Variants in RERE observed in about 807,000 individuals in gnomAD.
RERE encodes the protein arginine-glutamic acid dipeptide repeats protein.
RERE carries 40 observed loss-of-function variants against 146.1 expected under a neutral mutation model. That is an observed-to-expected ratio of 0.27 (90% CI 0.21 to 0.36). RERE has a LOEUF of 0.36. Among genes scored for constraint, RERE ranks in the 10% least tolerant of loss-of-function variants. The pLI, the probability that RERE is intolerant of heterozygous loss-of-function variation, is 1.00. For missense variants in RERE, 1,933 were observed against 2,138.7 expected (o/e 0.90, Z 1.90); for synonymous variants, 1,003 against 866.0 (o/e 1.16, Z -2.78).
intron 10 of RERE, among the ~76,000 whole-genome samples, chr1:8,467,309 C>T (rs1644612763): frequency 6.6e-6 from 1 of 152,226 alleles, no homozygotes; most frequent in Non-Finnish European, 1.5e-5. Flanking sequence ...GTCCTTATTT[C>T]CAGGAAACTT....
At chr1:8,684,466 G>C (rs1248110660) in intron 1 of RERE, among the ~76,000 whole-genome samples, 3 of 151,750 alleles carry the variant, frequency 2.0e-5, no homozygotes, top group Non-Finnish European at 4.4e-5. Context: ...GCTGAAACAC[G>C]GAAGCTTATA....
intron 11 of RERE, among the ~76,000 whole-genome samples, chr1:8,448,706 G>A (rs1484296651): frequency 6.6e-6 from 1 of 150,800 alleles, no homozygotes; most frequent in Non-Finnish European, 1.5e-5. Flanking sequence ...GCGCACATCT[G>A]TAATCCCAGC....
At chr1:8,473,589 G>A (rs1389559421) in intron 10 of RERE, among the ~76,000 whole-genome samples, 1 of 152,168 alleles carries the variant, frequency 6.6e-6, no homozygotes, top group Non-Finnish European at 1.5e-5. Context: ...TGCCTAAAAA[G>A]CTCTCAGTAA....
chr1:8,605,399 T>C (rs2124159031), intron 4 of RERE, among the ~76,000 whole-genome samples: 1 of 152,254 alleles, frequency 6.6e-6, no homozygotes, highest in South Asian at 2.1e-4. Flanking sequence ...CCCAAAGTGC[T>C]GGGATTACAG....
At chr1:8,545,676 TA>T (rs1275910834) in intron 6 of RERE, among the ~76,000 whole-genome samples, 3 of 147,294 alleles carry the variant, frequency 2.0e-5, no homozygotes, top group African/African-American at 7.4e-5. Context: ...AAATTATTAA[TA>T]AAAAATTCTT....
At chr1:8,731,794 TTGTTTG>T (rs1321018709) in intron 1 of RERE, among the ~76,000 whole-genome samples, 1 of 151,194 alleles carries the variant, frequency 6.6e-6, no homozygotes, top group Non-Finnish European at 1.5e-5. Flanking sequence ...GTTTGTTTGT[TTGTTTG>T]TTTGTTTTGT....
intron 1 of RERE, among the ~76,000 whole-genome samples, chr1:8,713,822 G>T (rs1639713605): frequency 6.6e-6 from 1 of 152,018 alleles, no homozygotes; most frequent in African/African-American, 2.4e-5. Context: ...AACATTAAAG[G>T]TATTTTATTT....
chr1:8,583,120 T>C (rs1482848703), intron 4 of RERE, among the ~76,000 whole-genome samples: 1 of 152,202 alleles, frequency 6.6e-6, no homozygotes, highest in Non-Finnish European at 1.5e-5. Flanking sequence ...AACTCAAGTG[T>C]CTGCGGTCCT....
chr1:8,736,155 T>C (rs1023839183), intron 1 of RERE, among the ~76,000 whole-genome samples: 1 of 151,774 alleles, frequency 6.6e-6, no homozygotes, highest in Non-Finnish European at 1.5e-5. Flanking sequence ...CTCACTATCA[T>C]AATTCCTGCA....
intron 1 of RERE, among the ~76,000 whole-genome samples, chr1:8,720,426 G>GT (rs1557502115): frequency 6.6e-6 from 1 of 152,128 alleles, no homozygotes; most frequent in African/African-American, 2.4e-5. Flanking sequence ...TTCAAAGGCA[G>GT]TAAGTGCTAA....
At chr1:8,407,634 G>A (rs368809207) in intron 12 of RERE, among the ~76,000 whole-genome samples, 3 of 152,056 alleles carry the variant, frequency 2.0e-5, no homozygotes, top group East Asian at 1.9e-4. Flanking sequence ...TAGTATCACC[G>A]TGCCTCAGTT....
At position 8,361,775 on chromosome 1, in the gene RERE, C is replaced by T. The variant is rs1485692968; in HGVS notation, c.2004G>A (p.Lys668=). 1.2e-6 allele frequency: 2 copies of T among 1,613,092 alleles called. No individual in the cohort carries two copies. The highest frequency in any genetic ancestry group is 1.7e-6 in the Non-Finnish European group (2 of 1,179,292). The change falls in exon 17 of 23, where the codon AAG becomes AAA. Residue 668 remains lysine, a synonymous_variant. Transcript: ENST00000400908. ...TEEADRTSSK[K]TKTQEISRPN... ...CAGCAAACCTCACCTGCGTTTTTGT[C>T]TTCTTGGAGCTGGTCCTGTCAGCCT...
chr1:8,676,793 G>T (rs985559629), intron 1 of RERE, among the ~76,000 whole-genome samples: 1 of 152,306 alleles, frequency 6.6e-6, no homozygotes, highest in South Asian at 2.1e-4. Flanking sequence ...GGAGGAAAAC[G>T]TCTGAGGCAG....
rs147258221 is a variant in RERE at position 8,689,271 on chromosome 1, T to C, written c.-144-32830A>G. ...GCCTTTGGTTTGGTTGTTTTTCTTC[T>C]TTAGTTGACTAAAGTTTATAGTTTC... On this transcript the variant is annotated intron_variant, in intron 1 of 22. Transcript: ENST00000400908. Among the ~76,000 whole-genome samples, 4 of 152,338 alleles carry C rather than the reference T, an allele frequency of 2.6e-5. No homozygotes were observed. The East Asian group carries it at 5.8e-4, about 22-fold the overall frequency.
intron 1 of RERE, among the ~76,000 whole-genome samples, chr1:8,747,291 G>T (rs548005688): frequency 6.6e-6 from 1 of 151,956 alleles, no homozygotes; most frequent in South Asian, 2.1e-4. Flanking sequence ...ATGAGCCACC[G>T]CGCCCAGCCC....
At chr1:8,367,333 T>C (rs1641850080) in intron 12 of RERE, among the ~76,000 whole-genome samples, 2 of 152,188 alleles carry the variant, frequency 1.3e-5, no homozygotes, top group African/African-American at 4.8e-5. Context: ...AGGCAGGGGA[T>C]GCCGTGCCTT....
chr1:8,357,994 TCTGGAGAGCTGCGGGGCCGAGGAGAGA>T, intron 20 of RERE, among the ~76,000 whole-genome samples, 175 bp downstream of exon 20: 1 of 152,244 alleles, frequency 6.6e-6, no homozygotes, highest in Non-Finnish European at 1.5e-5. Flanking sequence ...GCCTTGCAGT[TCTGGAGAGCTGCGGGGCCGAGGAGAGA>T]CTGCGATACA....
intron 4 of RERE, among the ~76,000 whole-genome samples, chr1:8,572,129 G>A (rs1375794567): frequency 6.6e-6 from 1 of 151,878 alleles, no homozygotes. Context: ...TAATTATTGA[G>A]GTATAATTTA....
chr1:8,358,808 G>T lies in RERE; in HGVS notation c.3727C>A (p.Pro1243Thr), dbSNP rs749567752. The T allele has an allele frequency of 4.3e-6, 7 of 1,612,216 alleles. No individual in the cohort carries two copies. Among genetic ancestry groups the T allele is most frequent in the South Asian group, 2.2e-5 (2 of 90,816 alleles). ...GGTGTGTCGGGCCCGATGTAGGGGGGCACAGCAGCAATGGTGGTTGGTGGT... is the reference window on the plus strand; with the variant it reads ...GGTGTGTCGGGCCCGATGTAGGGGGTCACAGCAGCAATGGTGGTTGGTGGT... Reference protein sequence around the residue: ...EPPPTTIAAVPPYIGPDTPAL... With the variant: ...EPPPTTIAAVTPYIGPDTPAL... Residue 1243 changes from proline to threonine, a missense_variant, in exon 20 of 23, where the codon CCC becomes ACC. Transcript: ENST00000400908.
Sources: allele counts gnomAD v4.1 joint callset (sites outside exome capture counted in the v4.1 genomes callset), GRCh38; gene constraint gnomAD v4.1.1; transcripts MANE v1.5; gene names NCBI Gene and HGNC (gene_info 2026-07-23, HGNC 2026-07-21).